Variants in KIF7 observed in about 807,000 individuals in gnomAD.
KIF7 encodes kinesin family member 7, also known as kinesin-like protein KIF7.
KIF7 carries 104 observed loss-of-function variants against 135.7 expected under a neutral mutation model. The observed-to-expected ratio is 0.77, with a 90% CI of 0.65 to 0.90. The LOEUF is 0.90. Among genes scored for constraint, KIF7 ranks in the 40% least tolerant of loss-of-function variants. KIF7 has a pLI of 0.00. For missense variants in KIF7, 2,005 were observed against 1,839.1 expected, an observed-to-expected ratio of 1.09 and a Z score of -1.65; for synonymous variants, 883 against 809.4, an observed-to-expected ratio of 1.09 and a Z score of -1.54.
At chr15:89,634,796 T>C (rs1012801040) in intron 11 of KIF7, among the ~76,000 whole-genome samples, 1 of 152,078 alleles carries the variant, frequency 6.6e-6, no homozygotes, top group Admixed American at 6.5e-5. Flanking sequence ...ACAAAGCAGC[T>C]GGGAAGCTCG....
rs1033310358 is a variant in KIF7 at position 89,647,803 on chromosome 15, A to G, written c.1444-91T>C. 4.0e-6 allele frequency: 4 copies of G among 1,009,134 alleles called. No homozygotes were observed. In the East Asian group the frequency reaches 7.9e-5, roughly 20 times the overall value. The allele number at this position is 1,009,134 out of a possible 1,614,324, so 62.5% of individuals were successfully genotyped here. A position where few individuals can be genotyped will look rare whatever the true frequency, so the allele number is the denominator to read the frequency against. Reference sequence around the variant, plus strand: ...TCTTGTTTAGCCCTGCTTTCTATCTACTCTTCCAAGCCCTACCTGCAGTGG... The same window carrying G: ...TCTTGTTTAGCCCTGCTTTCTATCTGCTCTTCCAAGCCCTACCTGCAGTGG... On this transcript the variant is annotated intron_variant, in intron 5 of 18. Transcript: ENST00000394412.
chr15:89,629,673 C>T, intron 16 of KIF7, 100 bp from the exon 17 acceptor site: 1 of 1,506,552 alleles, frequency 6.6e-7, no homozygotes, highest in Non-Finnish European at 9.0e-7. Flanking sequence ...GCCACCACGG[C>T]ACTAAGAAAT....
At chr15:89,655,197 C>T (rs1258101948) in intron 1 of KIF7, among the ~76,000 whole-genome samples, 2 of 152,206 alleles carry the variant, frequency 1.3e-5, no homozygotes, top group Non-Finnish European at 2.9e-5. Flanking sequence ...CCCCAGATGT[C>T]GGGAAGACGG....
chr15:89,624,401 T>A, downstream of KIF7: 1 of 1,614,104 alleles, frequency 6.2e-7, no homozygotes, highest in Non-Finnish European at 8.5e-7. Context: ...CCCCCTGAAC[T>A]CTCACAGAGA....
upstream of KIF7, among the ~76,000 whole-genome samples, chr15:89,657,150 G>A (rs1040676486): frequency 2.0e-5 from 3 of 152,004 alleles, no homozygotes; most frequent in African/African-American, 7.2e-5. Flanking sequence ...CACAAAAAAT[G>A]CAAAACATAG....
chr15:89,627,479 G>A (rs187628638), downstream of KIF7: 12 of 208,936 alleles, frequency 5.7e-5, no homozygotes, highest in South Asian at 2.4e-4. Context: ...CTGGGCTGCT[G>A]CGACACAGGC....
At chr15:89,661,783 G>A in the KIF7 span, among the ~76,000 whole-genome samples, 21 of 151,626 alleles carry the variant, frequency 1.4e-4, no homozygotes, top group African/African-American at 3.4e-4. Context: ...GTGCAATGGC[G>A]TGATCTTGGC....
downstream of KIF7, among the ~76,000 whole-genome samples, chr15:89,623,033 G>A (rs182015368): frequency 6.6e-6 from 1 of 152,264 alleles, no homozygotes; most frequent in African/African-American, 2.4e-5. Context: ...CTGTAGGAAA[G>A]ATAAGCATTG....
At chr15:89,625,962 G>T (rs138294313), downstream of KIF7, 751 of 1,596,176 alleles carry the variant, frequency 4.7e-4, no homozygotes, top group Admixed American at 6.6e-4. Context: ...CAGCTGTGCC[G>T]TGCGGAGCTG....
rs769127608 is a variant in KIF7, at chr15:89,647,044, C to T, written c.1574G>A (p.Arg525His). Residue 525 changes from arginine to histidine, a missense_variant, in exon 7 of 19, where the codon CGT (arginine) becomes CAT (histidine). Transcript: ENST00000394412. ...EQYKLQSDRL[R>H]EQQEEMVELR... ...TTCCACCATCTCCTCCTGCTGCTCA[C>T]GCAGCCGGTCGCTCTGCAAGACATG... is the stretch of plus-strand genomic sequence containing the variant. The T allele has an allele frequency of 1.3e-5, 20 of 1,592,838 alleles. No individual in the cohort carries two copies. The highest frequency in any genetic ancestry group is 3.5e-5 in the Admixed American group (2 of 57,452).
chr15:89,632,960 T>C lies in KIF7; in HGVS notation c.2755A>G (p.Met919Val). Residue 919 changes from methionine to valine, a missense_variant, in exon 14 of 19, where the codon ATG becomes GTG. Physicochemically the swap from Met to Val is conservative, Grantham distance 21. Coordinates refer to ENST00000394412, the MANE Select transcript of KIF7 (RefSeq NM_198525.3). ...CGCCGCTGCTGTAGCACCTTCTCCATCTCCTGGTCCAGCCACTTCTTCTGC... is the reference window on the plus strand; with the variant it reads ...CGCCGCTGCTGTAGCACCTTCTCCACCTCCTGGTCCAGCCACTTCTTCTGC... The part of the protein sequence containing the change: ...EEQKKWLDQE[M>V]EKVLQQRRAL... 1.3e-6 allele frequency: 2 copies of C among 1,566,166 alleles called. No individual in the cohort carries two copies. Among genetic ancestry groups the C allele is most frequent in the Non-Finnish European group, 1.7e-6 (2 of 1,158,518 alleles).
chr15:89,634,865 C>G, intron 11 of KIF7, among the ~76,000 whole-genome samples: 1 of 152,200 alleles, frequency 6.6e-6, no homozygotes, highest in Non-Finnish European at 1.5e-5. Context: ...GGCTCCACCT[C>G]TGGGGGCAGG....
chr15:89,626,511 C>A (rs577222517), downstream of KIF7, among the ~76,000 whole-genome samples: 1 of 152,268 alleles, frequency 6.6e-6, no homozygotes, highest in East Asian at 1.9e-4. Context: ...CTTCCAAATC[C>A]TATTCCCAAA....
In KIF7 at chr15:89,649,069, G is replaced by T. The variant is rs1344695594; in HGVS notation, c.828C>A (p.Asn276Lys). 3 of 1,548,116 alleles carry T rather than the reference G, an allele frequency of 1.9e-6. No individual in the cohort carries two copies. Among genetic ancestry groups the T allele is most frequent in the Non-Finnish European group, 8.7e-7 (1 of 1,146,750 alleles). The change falls in exon 4 of 19, where the codon AAC (asparagine) becomes AAA (lysine). Residue 276 changes from asparagine to lysine, a missense_variant. Transcript: ENST00000394412. The stretch of plus-strand genomic sequence containing the variant: ...CGTTGCCCAGCGCCAGGAGGCTGCT[G>T]TTGATCTGGATGCTCTCCTTGAGCC... Reference protein sequence around the residue: ...GERLKESIQINSSLLALGNVI... With the variant: ...GERLKESIQIKSSLLALGNVI...
At chr15:89,634,118 G>C (rs1262087761) in intron 11 of KIF7, among the ~76,000 whole-genome samples, 1 of 152,156 alleles carries the variant, frequency 6.6e-6, no homozygotes, top group Non-Finnish European at 1.5e-5. Flanking sequence ...GGCCAACATA[G>C]TGAAATCCTG....
intron 11 of KIF7, among the ~76,000 whole-genome samples, chr15:89,638,693 C>G (rs1431858201): frequency 1.3e-5 from 2 of 150,866 alleles, no homozygotes; most frequent in African/African-American, 4.9e-5. Flanking sequence ...TAGGAAGAAT[C>G]AATATCATGA....
intron 15 of KIF7, chr15:89,631,065 G>A: frequency 4.4e-6 from 1 of 229,370 alleles, no homozygotes. Flanking sequence ...GAGCACCATT[G>A]TTGTATGAGC....
chr15:89,633,156 G>A lies in KIF7; in HGVS notation c.2703C>T (p.Ser901=). 3 of 1,603,472 alleles carry A rather than the reference G, an allele frequency of 1.9e-6. No individual in the cohort carries two copies. Among genetic ancestry groups the A allele is most frequent in the Non-Finnish European group, 2.5e-6 (3 of 1,179,642 alleles). ...CTGGCCCCACCTGCTGCTGTTCCAGGCTGACCACAGAGCCGTTGCTGCCAC... is the reference window on the plus strand; with the variant it reads ...CTGGCCCCACCTGCTGCTGTTCCAGACTGACCACAGAGCCGTTGCTGCCAC... ...RRSGSNGSVV[S]LEQQQKIEEQ... Residue 901 remains serine (S), a synonymous_variant, in exon 13 of 19, where the codon AGC becomes AGT. Transcript: ENST00000394412.
rs76346806 is a variant in KIF7 at position 89,629,114 on chromosome 15, C to A, written c.3526G>T (p.Gly1176Cys). ...CTCCTGCTGTCTGCTAACCCTTCAC[C>A]GAGGTGGTCTAGAGTGGAAAGGTCG... Reference protein sequence around the residue: ...LLLQQSRDHLGEGLADSRRQY... With the variant: ...LLLQQSRDHLCEGLADSRRQY... Residue 1176 changes from glycine (G) to cysteine (C), a missense_variant, in exon 18 of 19, where the codon GGT (glycine) becomes TGT (cysteine). Physicochemically the swap from Gly to Cys is radical, Grantham distance 159. Transcript: ENST00000394412. 2 of 1,607,622 alleles carry A rather than the reference C, an allele frequency of 1.2e-6. No homozygotes were observed. The highest frequency in any genetic ancestry group is 1.7e-6 in the Non-Finnish European group (2 of 1,178,068).
Sources: allele counts gnomAD v4.1 joint callset (sites outside exome capture counted in the v4.1 genomes callset), GRCh38; gene constraint gnomAD v4.1.1; transcripts MANE v1.5; gene names NCBI Gene and HGNC (gene_info 2026-07-23, HGNC 2026-07-21).